Variants in FBXL12 observed in about 807,000 individuals in gnomAD.
FBXL12 encodes the protein F-box and leucine rich repeat protein 12.
FBXL12 carries 22 observed loss-of-function variants against 24.9 expected under a neutral mutation model. That is an observed-to-expected ratio of 0.88 (90% CI 0.63 to 1.26). The LOEUF (loss-of-function observed/expected upper bound fraction) is 1.26, where lower values mean the gene tolerates loss of function less well. Among genes scored for constraint, FBXL12 ranks in the 50% most tolerant of loss-of-function variants. FBXL12 has a pLI of 0.00. For synonymous variants in FBXL12, 193 were observed against 193.8 expected, an observed-to-expected ratio of 1.00 and a Z score of 0.03; for missense variants, 384 against 434.1, an observed-to-expected ratio of 0.88 and a Z score of 1.03.
chr19:9,818,218 C>A, intron 2 of FBXL12: 1 of 433,586 alleles, frequency 2.3e-6, no homozygotes. Context: ...AAAACAAAAA[C>A]TTGATAACAT....
At chr19:9,818,659 G>A in intron 1 of FBXL12, 42 bp from the exon 2 acceptor site, 1 of 1,546,542 alleles carries the variant, frequency 6.5e-7, no homozygotes, top group Middle Eastern at 1.7e-4. Flanking sequence ...CCAGCCCCGG[G>A]CCACATCGCA....
At position 9,811,416 on chromosome 19, in the gene FBXL12, T is replaced by G; in HGVS notation, c.461A>C (p.Glu154Ala). The G allele has an allele frequency of 1.2e-6, 2 of 1,613,472 alleles. No homozygotes were observed. The highest frequency in any genetic ancestry group is 1.7e-6 in the Non-Finnish European group (2 of 1,179,982). The change falls in exon 3 of 3, where the codon GAA (glutamate) becomes GCA (alanine). Residue 154 changes from glutamate (E) to alanine (A), a missense_variant. Coordinates refer to ENST00000247977, the MANE Select transcript of FBXL12 (RefSeq NM_017703.3). This position sits in a 1 kb window ranked among gnomAD's most constrained non-coding sequence, Gnocchi z 6.0. ...QQDPTVLPLL[E>A]CIVLDRVPAF... is the part of the protein sequence containing the mutation. ...GGGGACGCGGTCCAGCACGATGCAT[T>G]CAAGCAGGGGCAGCACGGTGGGGTC...
chr19:9,813,920 T>G (rs1466516110), intron 2 of FBXL12, among the ~76,000 whole-genome samples: 1 of 152,086 alleles, frequency 6.6e-6, no homozygotes, highest in Non-Finnish European at 1.5e-5. Context: ...ATTACAGGCA[T>G]GAGCCACTGC....
chr19:9,818,296 A>G (rs1254407318), intron 2 of FBXL12: 60 of 561,182 alleles, frequency 1.1e-4, no homozygotes, highest in Non-Finnish European at 3.2e-6. Context: ...TCCCTGCGTG[A>G]TCTCAGTGAA....
chr19:9,818,835 C>A lies in FBXL12; in HGVS notation c.-22G>T. 6.5e-7 allele frequency: 1 copy of A among 1,545,340 alleles called. No homozygotes were observed. On this transcript the variant is annotated 5_prime_UTR_variant, in exon 1 of 3. Transcript: ENST00000247977. ...CCATGATCCCGCCGACACGCACTTC[C>A]GCTTCCGGTTAAAGAGACCCGAGGG... is the stretch of plus-strand genomic sequence containing the variant.
At chr19:9,818,318 G>A (rs2045926443) in intron 2 of FBXL12, 2 of 576,674 alleles carry the variant, frequency 3.5e-6, no homozygotes, top group Non-Finnish European at 6.2e-6. Context: ...TCCCATAATA[G>A]CCCCGTGAGG....
rs1397656533 is a variant in FBXL12, at chr19:9,811,743, C to CA, written c.160-27dup. ...CTGTAAGAGCCAGAGATTGGGGTGACAGAGTGAGAGGTATGGAGCTTCCAA... is the reference window on the plus strand; with the variant it reads ...CTGTAAGAGCCAGAGATTGGGGTGACAAGAGTGAGAGGTATGGAGCTTCCAA... On this transcript the variant is annotated intron_variant, in intron 2 of 2. Transcript: ENST00000247977. This position sits in a 1 kb window ranked among gnomAD's most constrained non-coding sequence, Gnocchi z 6.0. 3 of 1,501,680 alleles carry CA rather than the reference C, an allele frequency of 2.0e-6. No homozygotes were observed. The highest frequency in any genetic ancestry group is 2.7e-6 in the Non-Finnish European group (3 of 1,124,200). The allele number at this position is 1,501,680 out of a possible 1,614,324, so 93.0% of individuals were successfully genotyped here. A position where few individuals can be genotyped will look rare whatever the true frequency, so the allele number is the denominator to read the frequency against.
Position 9,810,919 on chromosome 19 carries a change from C to A in FBXL12, c.958G>T (p.Glu320Ter). 2 of 1,594,986 alleles carry A rather than the reference C, an allele frequency of 1.3e-6. No homozygotes were observed. Among genetic ancestry groups the A allele is most frequent in the East Asian group, 2.3e-5 (1 of 44,344 alleles). ...AGTTACATCCACCAGTCCATAGACT[C>A]TTTGGGGCAAGCCCTGACGATGACC... ...CMVIVRACPK[E>*]SMDWWM The change falls in exon 3 of 3, where the codon GAG becomes TAG. Residue 320 changes from glutamate to a stop codon, truncating the protein, a stop_gained. Transcript: ENST00000247977. LOFTEE classifies it high-confidence loss of function.
intron 2 of FBXL12, among the ~76,000 whole-genome samples, chr19:9,813,663 G>A (rs1037170170): frequency 2.6e-5 from 4 of 151,968 alleles, no homozygotes; most frequent in African/African-American, 4.8e-5. Context: ...CACCATGCCC[G>A]GCTATGTTTT....
chr19:9,815,804 G>A (rs535185061), intron 2 of FBXL12, among the ~76,000 whole-genome samples: 3 of 152,164 alleles, frequency 2.0e-5, no homozygotes, highest in East Asian at 1.9e-4. Context: ...ACAAGCATGC[G>A]CCACCACGCA....
rs117947783 is a variant in FBXL12 at position 9,817,318 on chromosome 19, G to A, written c.159+1227C>T. On this transcript the variant is annotated intron_variant, in intron 2 of 2. Transcript: ENST00000247977. ...ATAAATTAGAAAAAGATAAACTGCA[G>A]AGCATAAATGTTATGGGCTACTTTT... is the stretch of plus-strand genomic sequence containing the variant. 1.8e-3 allele frequency among the ~76,000 whole-genome samples: 281 copies of A among 152,282 alleles called. 1 individual carries two copies. Among genetic ancestry groups the A allele is most frequent in the Non-Finnish European group, 3.3e-3 (226 of 68,024 alleles).
intron 2 of FBXL12, chr19:9,814,154 G>C (rs2045825832): frequency 6.0e-6 from 1 of 167,106 alleles, no homozygotes; most frequent in Admixed American, 6.4e-5. Context: ...ACATGGCTGG[G>C]GAGGCCTCAA....
intron 2 of FBXL12, among the ~76,000 whole-genome samples, chr19:9,816,087 G>C (rs575589056): frequency 1.3e-5 from 2 of 152,254 alleles, no homozygotes; most frequent in East Asian, 3.9e-4. Context: ...GAGCAGCTAG[G>C]GCACAGGACA....
intron 2 of FBXL12, among the ~76,000 whole-genome samples, chr19:9,817,874 G>A (rs1161528680): frequency 1.3e-5 from 2 of 152,162 alleles, no homozygotes; most frequent in Non-Finnish European, 2.9e-5. Flanking sequence ...CTTTATAATA[G>A]CAATTATCTA....
At chr19:9,818,168 CTCCA>C in intron 2 of FBXL12, 1 of 415,050 alleles carries the variant, frequency 2.4e-6, no homozygotes, top group Non-Finnish European at 4.3e-6. Context: ...CACCACTGCA[CTCCA>C]GCCTGAGCAG....
rs200682393 is a variant in FBXL12, at chr19:9,811,295, C to G, written c.582G>C (p.Leu194=). 8.7e-6 allele frequency: 14 copies of G among 1,609,468 alleles called. No homozygotes were observed. Among genetic ancestry groups the G allele is most frequent in the Non-Finnish European group, 1.2e-5 (14 of 1,179,980 alleles). ...AGCTGAGCTCCTGCAGGCCAGCATC[C>G]AGCCCTGTCTCGGTCACACGGTAGG... The part of the protein sequence containing the change: ...GGTYRVTETG[L]DAGLQELSYL... Residue 194 remains leucine, a synonymous_variant, in exon 3 of 3, where the codon CTG becomes CTC. Transcript: ENST00000247977. This position sits in a 1 kb window ranked among gnomAD's most constrained non-coding sequence, Gnocchi z 6.0.
At chr19:9,815,551 G>A (rs2045861990) in intron 2 of FBXL12, among the ~76,000 whole-genome samples, 1 of 152,160 alleles carries the variant, frequency 6.6e-6, no homozygotes, top group African/African-American at 2.4e-5. Flanking sequence ...TGCCCTAGCA[G>A]AGGTTCTCCA....
rs375844904 is a variant in FBXL12, at chr19:9,811,194, C to G, written c.683G>C (p.Arg228Pro). ...GGTCAGCCGGATCTTGCGCACATCT[C>G]GGAGGTGGCGGCTGATGGCCAGCAG... The part of the protein sequence containing the change: ...STLLAISRHL[R>P]DVRKIRLTVR... Residue 228 changes from arginine to proline, a missense_variant, in exon 3 of 3, where the codon CGA (arginine) becomes CCA (proline). By Grantham distance (103) the Arg-to-Pro change is moderately radical. Coordinates refer to ENST00000247977, the MANE Select transcript of FBXL12 (RefSeq NM_017703.3). The surrounding 1 kb of genome is among the most constrained non-coding windows in gnomAD (Gnocchi z 6.0). 1 of 1,613,260 alleles carries G rather than the reference C, an allele frequency of 6.2e-7. No homozygotes were observed. Among genetic ancestry groups the G allele is most frequent in the East Asian group, 2.2e-5 (1 of 44,850 alleles).
chr19:9,817,373 T>C (rs1289297549), intron 2 of FBXL12, among the ~76,000 whole-genome samples: 1 of 152,214 alleles, frequency 6.6e-6, no homozygotes, highest in African/African-American at 2.4e-5. Flanking sequence ...CCTTGCCAAA[T>C]TTAGACCCGT....
Sources: gnomAD v4.1 joint callset for allele counts (sites outside exome capture counted in the v4.1 genomes callset) on GRCh38, gnomAD v4.1.1 for gene constraint, Gnocchi (gnomAD v3.1) non-coding constraint, MANE v1.5 for transcripts, NCBI Gene and HGNC (gene_info 2026-07-23, HGNC 2026-07-21) for gene names.